LEPR: variants seen among roughly 807,000 people sequenced by gnomAD.
LEPR encodes OB receptor.
A neutral mutation model predicts 114.7 loss-of-function variants in LEPR; 56 were observed. The observed-to-expected ratio is 0.49, with a 90% CI of 0.39 to 0.61. LEPR has a LOEUF of 0.61. Ranked by LOEUF, LEPR falls within the 20% of genes least tolerant of loss-of-function variation. The pLI is 0.00. For synonymous variants in LEPR, 443 were observed against 461.4 expected (o/e 0.96, Z 0.51); for missense variants, 1,202 against 1,352.9 (o/e 0.89, Z 1.75).
At chr1:65,518,129 A>G (rs1346711487) in intron 2 of LEPR, among the ~76,000 whole-genome samples, 2 of 152,126 alleles carry the variant, frequency 1.3e-5, no homozygotes, top group Non-Finnish European at 2.9e-5. Flanking sequence ...ATCTGTGTTT[A>G]CATCCGAGTA....
chr1:65,587,254 A>G (rs1418594664), intron 5 of LEPR, among the ~76,000 whole-genome samples: 1 of 152,092 alleles, frequency 6.6e-6, no homozygotes, highest in African/African-American at 2.4e-5. Context: ...TGTTTCCGAC[A>G]TAAAACACCA....
intron 14 of LEPR, among the ~76,000 whole-genome samples, chr1:65,611,791 C>T (rs1207875111): frequency 6.6e-6 from 1 of 152,202 alleles, no homozygotes; most frequent in Non-Finnish European, 1.5e-5. Context: ...CAACCAGCCA[C>T]ATGTGGTTAT....
chr1:65,612,448 A>G (rs1557695786), intron 14 of LEPR, among the ~76,000 whole-genome samples: 1 of 152,212 alleles, frequency 6.6e-6, no homozygotes, highest in Non-Finnish European at 1.5e-5. Context: ...TCAGGATTCC[A>G]TCCAGGATAG....
intron 2 of LEPR, among the ~76,000 whole-genome samples, chr1:65,502,761 CA>C (rs1285147857): frequency 6.6e-6 from 1 of 151,616 alleles, no homozygotes; most frequent in African/African-American, 2.4e-5. Context: ...TAGGAAGTAG[CA>C]AGTTCAAAGA....
intron 8 of LEPR, among the ~76,000 whole-genome samples, chr1:65,599,284 G>GC (rs1179664683): frequency 6.6e-6 from 1 of 152,096 alleles, no homozygotes; most frequent in Admixed American, 6.6e-5. Flanking sequence ...TTCATTCACA[G>GC]CTTCTTCATG....
chr1:65,616,929 C>G (rs1378856260), intron 15 of LEPR, among the ~76,000 whole-genome samples: 1 of 152,050 alleles, frequency 6.6e-6, no homozygotes, highest in Non-Finnish European at 1.5e-5. Flanking sequence ...TTGAATATGC[C>G]CTATCTCTTC....
chr1:65,609,076 C>T (rs2100965344), intron 12 of LEPR, among the ~76,000 whole-genome samples, 175 bp downstream of exon 12: 2 of 152,246 alleles, frequency 1.3e-5, no homozygotes, highest in Middle Eastern at 6.8e-3. Context: ...ACAAAGTTTC[C>T]TGAAATCCAT....
At chr1:65,557,958 A>C (rs1652942136) in intron 2 of LEPR, among the ~76,000 whole-genome samples, 1 of 152,198 alleles carries the variant, frequency 6.6e-6, no homozygotes, top group Non-Finnish European at 1.5e-5. Context: ...TTAAATAAAG[A>C]AGTGGTTGTT....
In LEPR at chr1:65,616,232, G is replaced by A; in HGVS notation, c.2212+8G>A. ...CATGGCCTATGAGCAAAGGTAAGAA[G>A]AGGTACAGAGTGGTAATCCATTGCC... On this transcript the variant is annotated splice_region_variant and intron_variant, in intron 15 of 19. Coordinates refer to ENST00000349533, the MANE Select transcript of LEPR (RefSeq NM_002303.6). 9 of 1,613,178 alleles carry A rather than the reference G, an allele frequency of 5.6e-6. No homozygotes were observed. Among genetic ancestry groups the A allele is most frequent in the Non-Finnish European group, 6.8e-6 (8 of 1,179,374 alleles).
chr1:65,420,849 C>A, intron 1 of LEPR, 109 bp downstream of exon 1: 1 of 1,322,154 alleles, frequency 7.6e-7, no homozygotes, highest in Non-Finnish European at 1.1e-6. Flanking sequence ...GCCTCACCAC[C>A]CTTCCCGCCT....
intron 2 of LEPR, among the ~76,000 whole-genome samples, chr1:65,448,443 T>C (rs1403658021): frequency 6.6e-6 from 1 of 152,204 alleles, no homozygotes; most frequent in Admixed American, 6.5e-5. Context: ...GTTGAGGATT[T>C]TGCATCCGTG....
rs1348145489 is a variant in LEPR at position 65,637,777 on chromosome 1, T to A, written c.*762T>A. The stretch of plus-strand genomic sequence containing the variant: ...CCCATCCCCACCTGGACATATCCTA[T>A]TTTTTCCCCTCACTGAGCATTCTGT... On this transcript the variant is annotated 3_prime_UTR_variant, in exon 20 of 20. Transcript: ENST00000349533. The A allele has an allele frequency of 6.6e-6, 1 of 152,228 alleles. No homozygotes were observed. The highest frequency in any genetic ancestry group is 6.6e-5 in the Admixed American group (1 of 15,262). 9.4% of individuals were successfully genotyped at this position (152,228 alleles called of 1,614,324 possible). A position where few individuals can be genotyped will look rare whatever the true frequency, so the allele number is the denominator to read the frequency against.
chr1:65,585,960 T>G (rs541600410), intron 5 of LEPR, among the ~76,000 whole-genome samples: 2 of 152,160 alleles, frequency 1.3e-5, no homozygotes, highest in East Asian at 3.9e-4. Context: ...TAGCTAATGT[T>G]TTTCCTTAAA....
chr1:65,619,781 C>T (rs1259937132), intron 16 of LEPR, 147 bp from the exon 17 acceptor site: 8 of 679,370 alleles, frequency 1.2e-5, no homozygotes, highest in Non-Finnish European at 1.8e-5. Context: ...TGTTTTGAAA[C>T]TCCCTTGATA....
chr1:65,503,132 G>C (rs532812294), intron 2 of LEPR, among the ~76,000 whole-genome samples: 15 of 152,208 alleles, frequency 9.9e-5, no homozygotes, highest in Admixed American at 8.5e-4. Context: ...AAATAAATCA[G>C]ACATTACTGG....
chr1:65,493,029 A>G (rs1330641219), intron 2 of LEPR, among the ~76,000 whole-genome samples: 1 of 151,762 alleles, frequency 6.6e-6, no homozygotes, highest in Non-Finnish European at 1.5e-5. Flanking sequence ...GCTTTTCCTG[A>G]TCTTCCTCCT....
At chr1:65,451,283 T>G (rs1447632562) in intron 2 of LEPR, among the ~76,000 whole-genome samples, 4 of 152,030 alleles carry the variant, frequency 2.6e-5, no homozygotes, top group South Asian at 2.1e-4. Context: ...TTAGTTTAAT[T>G]AGATCCCATT....
chr1:65,497,199 G>C (rs1217460576), intron 2 of LEPR, among the ~76,000 whole-genome samples: 2 of 152,054 alleles, frequency 1.3e-5, no homozygotes, highest in Non-Finnish European at 2.9e-5. Flanking sequence ...CATGCAAAAG[G>C]TAGTTGAATG....
In LEPR at chr1:65,489,953, C is replaced by T. The variant is rs571912683; in HGVS notation, c.-21+64575C>T. Among the ~76,000 whole-genome samples, 18 of 152,142 alleles carry T rather than the reference C, an allele frequency of 1.2e-4. No individual in the cohort carries two copies. In the East Asian group the frequency reaches 2.9e-3, roughly 25 times the overall value. On this transcript the variant is annotated intron_variant, in intron 2 of 19. Transcript: ENST00000349533. ...CAATAAGCCAAGTTTATACTTGATG[C>T]GTCCTCCATTTTCATTAGCAATAGA...
Sources: allele counts gnomAD v4.1 joint callset (sites outside exome capture counted in the v4.1 genomes callset), GRCh38; gene constraint gnomAD v4.1.1; transcripts MANE v1.5; gene names NCBI Gene and HGNC (gene_info 2026-07-23, HGNC 2026-07-21).